The following GSTCD variants were observed in gnomAD, a reference collection of about 807,000 sequenced individuals.
GSTCD encodes the protein glutathione S-transferase C-terminal domain-containing protein.
GSTCD carries 44 observed loss-of-function variants against 68.3 expected under a neutral mutation model. That is an observed-to-expected ratio of 0.64 (90% CI 0.51 to 0.83). The LOEUF (loss-of-function observed/expected upper bound fraction) is 0.83, where lower values mean the gene tolerates loss of function less well. Among genes scored for constraint, GSTCD ranks in the 40% least tolerant of loss-of-function variants. GSTCD has a pLI of 0.00. For missense variants in GSTCD, 739 were observed against 735.9 expected (o/e 1.00, Z -0.05); for synonymous variants, 273 against 255.2 (o/e 1.07, Z -0.67).
At position 105,823,282 on chromosome 4, in the gene GSTCD, C is replaced by A. The variant is rs1270572024; in HGVS notation, c.1401+7C>A. The A allele has an allele frequency of 2.5e-6, 4 of 1,612,740 alleles. No individual in the cohort carries two copies. Among genetic ancestry groups the A allele is most frequent in the Non-Finnish European group, 3.4e-6 (4 of 1,179,026 alleles). ...CATGCTGCCATCATGTCAGGTAAAGCCAGAATAAGAGATAAAAGGAAATAT... is the reference window on the plus strand; with the variant it reads ...CATGCTGCCATCATGTCAGGTAAAGACAGAATAAGAGATAAAAGGAAATAT... On this transcript the variant is annotated splice_region_variant and intron_variant, in intron 7 of 11. Transcript: ENST00000515279.
At chr4:105,838,323 A>G (rs909544826) in intron 10 of GSTCD, among the ~76,000 whole-genome samples, 1 of 152,218 alleles carries the variant, frequency 6.6e-6, no homozygotes, top group Non-Finnish European at 1.5e-5. Context: ...TATATTTTCC[A>G]AGGCTGTTTA....
chr4:105,714,084 A>C (rs1403334435), intron 1 of GSTCD, among the ~76,000 whole-genome samples: 2 of 151,934 alleles, frequency 1.3e-5, no homozygotes, highest in Non-Finnish European at 2.9e-5. Flanking sequence ...TCCACCATTT[A>C]AAAATATATT....
At chr4:105,736,885 C>T (rs1733481099) in intron 5 of GSTCD, among the ~76,000 whole-genome samples, 1 of 152,120 alleles carries the variant, frequency 6.6e-6, no homozygotes, top group Admixed American at 6.6e-5. Flanking sequence ...CCTCCAAGCT[C>T]ATCCATGTTG....
intron 5 of GSTCD, among the ~76,000 whole-genome samples, chr4:105,760,457 G>A (rs959999560): frequency 5.9e-5 from 9 of 152,000 alleles, no homozygotes; most frequent in Non-Finnish European, 1.3e-4. Flanking sequence ...GATCTTACCA[G>A]CTAGATTTTA....
intron 5 of GSTCD, among the ~76,000 whole-genome samples, chr4:105,770,453 ATGG>A (rs1466057877): frequency 1.3e-5 from 2 of 151,364 alleles, no homozygotes; most frequent in African/African-American, 4.9e-5. Context: ...TACATGTGCC[ATGG>A]TGGTTTGCTG....
chr4:105,802,586 C>T (rs546891083), intron 5 of GSTCD, among the ~76,000 whole-genome samples: 13 of 151,994 alleles, frequency 8.6e-5, no homozygotes, highest in African/African-American at 3.1e-4. Flanking sequence ...ATAAAATTTT[C>T]CTTCCATATA....
At chr4:105,798,086 A>G (rs551549402) in intron 5 of GSTCD, among the ~76,000 whole-genome samples, 3 of 152,246 alleles carry the variant, frequency 2.0e-5, no homozygotes, top group South Asian at 4.1e-4. Flanking sequence ...TGTCATTTCA[A>G]CAATATTTTC....
Position 105,732,087 on chromosome 4 carries a change from C to T in GSTCD, c.1240+2588C>T, listed in dbSNP as rs531031362. 6.6e-5 allele frequency among the ~76,000 whole-genome samples: 10 copies of T among 152,286 alleles called. No homozygotes were observed. The South Asian group carries it at 1.0e-3, about 16-fold the overall frequency. ...AAGCTCTTTGATGTGCTGCTGGATTCGGGTTGCCAGTATTTTATTGAGGAT... is the reference window on the plus strand; with the variant it reads ...AAGCTCTTTGATGTGCTGCTGGATTTGGGTTGCCAGTATTTTATTGAGGAT... On this transcript the variant is annotated intron_variant, in intron 5 of 11. Transcript: ENST00000515279.
chr4:105,759,623 A>C (rs1202368519), intron 5 of GSTCD, among the ~76,000 whole-genome samples: 5 of 152,190 alleles, frequency 3.3e-5, no homozygotes, highest in Admixed American at 6.5e-5. Flanking sequence ...ATGAATACTG[A>C]AATGAAATAA....
At chr4:105,735,519 T>C (rs1476231393) in intron 5 of GSTCD, among the ~76,000 whole-genome samples, 1 of 152,158 alleles carries the variant, frequency 6.6e-6, no homozygotes, top group Non-Finnish European at 1.5e-5. Context: ...CTAAGACCAT[T>C]GGAAAAGCAC....
chr4:105,723,320 A>G (rs1197924804), intron 3 of GSTCD, among the ~76,000 whole-genome samples: 2 of 151,876 alleles, frequency 1.3e-5, no homozygotes, highest in Non-Finnish European at 2.9e-5. Flanking sequence ...CTCAGTAAAT[A>G]CAGATGGCCT....
chr4:105,780,579 T>C (rs1365536980), intron 5 of GSTCD, among the ~76,000 whole-genome samples: 1 of 152,240 alleles, frequency 6.6e-6, no homozygotes, highest in Non-Finnish European at 1.5e-5. Flanking sequence ...CTGCAGAAGA[T>C]ATTATAGACA....
chr4:105,758,036 T>C (rs1210103422), intron 5 of GSTCD, among the ~76,000 whole-genome samples: 1 of 152,198 alleles, frequency 6.6e-6, no homozygotes, highest in Non-Finnish European at 1.5e-5. Flanking sequence ...ATTCAGCTAC[T>C]TCACATGGTT....
chr4:105,717,555 A>G (rs976648826), intron 1 of GSTCD, 38 bp from the exon 2 acceptor site: 13 of 1,201,520 alleles, frequency 1.1e-5, no homozygotes, highest in Middle Eastern at 2.3e-4. Flanking sequence ...CTAAATGATT[A>G]TATTCTAAGA....
intron 5 of GSTCD, among the ~76,000 whole-genome samples, chr4:105,790,201 C>T (rs1735610663): frequency 6.6e-6 from 1 of 152,006 alleles, no homozygotes; most frequent in African/African-American, 2.4e-5. Context: ...AACTACACAC[C>T]TTGATCTGGA....
At position 105,717,581 on chromosome 4, in the gene GSTCD, T is replaced by C; in HGVS notation, c.-21-12T>C. ...TATTCTAAGACCATAATCACTTCAATTTATACTTTAGGTGACCCAATGAAA... is the reference window on the plus strand; with the variant it reads ...TATTCTAAGACCATAATCACTTCAACTTATACTTTAGGTGACCCAATGAAA... On this transcript the variant is annotated splice_polypyrimidine_tract_variant and intron_variant, in intron 1 of 11. Coordinates refer to ENST00000515279, the MANE Select transcript of GSTCD (RefSeq NM_001370181.1). The C allele has an allele frequency of 1.4e-6, 2 of 1,436,626 alleles. No individual in the cohort carries two copies. The highest frequency in any genetic ancestry group is 9.4e-7 in the Non-Finnish European group (1 of 1,060,420). 89.0% of individuals were successfully genotyped at this position (1,436,626 alleles called of 1,614,324 possible).
chr4:105,767,599 A>G (rs1190728791), intron 5 of GSTCD, among the ~76,000 whole-genome samples: 1 of 152,136 alleles, frequency 6.6e-6, no homozygotes, highest in Non-Finnish European at 1.5e-5. Context: ...ACATTTTTGC[A>G]TATTCTTCTA....
At chr4:105,834,704 C>A in intron 9 of GSTCD, 110 bp downstream of exon 9, 2 of 823,388 alleles carry the variant, frequency 2.4e-6, no homozygotes, top group East Asian at 2.7e-5. Flanking sequence ...TTTCTTCTTT[C>A]CACAATGCCA....
intron 5 of GSTCD, among the ~76,000 whole-genome samples, chr4:105,793,295 GT>G (rs1735745516): frequency 6.6e-6 from 1 of 151,532 alleles, no homozygotes; most frequent in African/African-American, 2.4e-5. Context: ...CCTTTGTAAG[GT>G]TTTCTTGTAT....
Sources: allele counts gnomAD v4.1 joint callset (sites outside exome capture counted in the v4.1 genomes callset), GRCh38; gene constraint gnomAD v4.1.1; transcripts MANE v1.5; gene names NCBI Gene and HGNC (gene_info 2026-07-23, HGNC 2026-07-21).